Variants in CTNND2 observed in about 807,000 individuals in gnomAD.
CTNND2 encodes the protein catenin delta 2, also known as catenin delta-2.
In CTNND2, 22 loss-of-function variants were observed where a neutral mutation model predicts 144.4. The observed-to-expected ratio is 0.15, with a 90% CI of 0.11 to 0.22. CTNND2 has a LOEUF of 0.22. CTNND2 is among the 10% of genes least tolerant of loss of function. The probability of loss-of-function intolerance (pLI) is 1.00; values close to 1 mark genes in which losing one functional copy is unlikely to be tolerated. For synonymous variants in CTNND2, 751 were observed against 695.6 expected (o/e 1.08, Z -1.25); for missense variants, 1,353 against 1,618.8 (o/e 0.84, Z 2.82).
At chr5:11,740,884 T>C (rs1214135883) in intron 1 of CTNND2, among the ~76,000 whole-genome samples, 1 of 152,004 alleles carries the variant, frequency 6.6e-6, no homozygotes, top group African/African-American at 2.4e-5. Flanking sequence ...AGGACACTTC[T>C]TACAGGCACT....
chr5:11,514,421 T>A (rs1478411840), intron 3 of CTNND2, among the ~76,000 whole-genome samples: 1 of 152,048 alleles, frequency 6.6e-6, no homozygotes. Context: ...GCTGGCTGTA[T>A]TCATTTGATG....
chr5:11,098,239 T>C (rs1221214179), intron 15 of CTNND2, among the ~76,000 whole-genome samples: 4 of 152,170 alleles, frequency 2.6e-5, no homozygotes, highest in African/African-American at 9.7e-5. Flanking sequence ...CAGTTAATGA[T>C]AGTGCTTTGA....
At chr5:11,080,776 G>C (rs57688021) in intron 16 of CTNND2, among the ~76,000 whole-genome samples, 20,401 of 152,078 alleles carry the variant, frequency 0.13, 2,443 homozygotes, top group East Asian at 0.58. Flanking sequence ...TAAAACAAAT[G>C]AATTTATAGA....
intron 16 of CTNND2, among the ~76,000 whole-genome samples, chr5:11,042,385 T>C (rs1744767246): frequency 1.3e-5 from 2 of 152,250 alleles, no homozygotes; most frequent in Non-Finnish European, 2.9e-5. Context: ...CTTGTTCTTA[T>C]GTTATACACG....
intron 2 of CTNND2, among the ~76,000 whole-genome samples, chr5:11,620,601 A>G (rs1478172601): frequency 6.6e-6 from 1 of 152,100 alleles, no homozygotes; most frequent in African/African-American, 2.4e-5. Context: ...GGTGCCCCTC[A>G]TTTTGGGAAC....
chr5:11,891,455 G>A (rs781605256), intron 1 of CTNND2, among the ~76,000 whole-genome samples: 9 of 152,232 alleles, frequency 5.9e-5, no homozygotes, highest in South Asian at 2.1e-4. Flanking sequence ...GAATGTTTGC[G>A]TCTTCTCCTC....
chr5:11,509,299 TA>T (rs1225849254), intron 3 of CTNND2, among the ~76,000 whole-genome samples: 1 of 152,160 alleles, frequency 6.6e-6, no homozygotes, highest in Admixed American at 6.5e-5. Flanking sequence ...TTTAGACTTA[TA>T]AAAGGTGCCT....
Position 11,023,096 on chromosome 5 carries a change from T to C in CTNND2, c.2789-117A>G, listed in dbSNP as rs942566262. 5 of 823,104 alleles carry C rather than the reference T, an allele frequency of 6.1e-6. No homozygotes were observed. The Admixed American group carries it at 1.0e-4, about 17-fold the overall frequency. The allele number at this position is 823,104 out of a possible 1,614,324, so 51.0% of individuals were successfully genotyped here. A position where few individuals can be genotyped will look rare whatever the true frequency, so the allele number is the denominator to read the frequency against. On this transcript the variant is annotated intron_variant, in intron 16 of 21. Transcript: ENST00000304623. ...AGAGGCCACGTTTATGCAAAATTGT[T>C]TGTTTCCCATCACTGAATGTTCCCT... is the stretch of plus-strand genomic sequence containing the variant.
intron 11 of CTNND2, among the ~76,000 whole-genome samples, chr5:11,166,716 C>T (rs181887917): frequency 4.2e-4 from 64 of 152,164 alleles, no homozygotes; most frequent in African/African-American, 1.3e-3. Context: ...AGGCCCAGGA[C>T]GCCCTGAAGT....
At chr5:11,821,180 C>G (rs1793286444) in intron 1 of CTNND2, among the ~76,000 whole-genome samples, 1 of 152,106 alleles carries the variant, frequency 6.6e-6, no homozygotes, top group Admixed American at 6.6e-5. Context: ...ACTCATTTGT[C>G]AGAACTTTTT....
intron 5 of CTNND2, among the ~76,000 whole-genome samples, chr5:11,401,621 A>G (rs969103869): frequency 5.3e-5 from 8 of 152,216 alleles, no homozygotes; most frequent in African/African-American, 1.7e-4. Flanking sequence ...TACTTAAGAA[A>G]TTCCAAGGAT....
intron 9 of CTNND2, among the ~76,000 whole-genome samples, chr5:11,279,675 G>C (rs1377519130): frequency 6.6e-6 from 1 of 152,198 alleles, no homozygotes; most frequent in Non-Finnish European, 1.5e-5. Flanking sequence ...TATAAGAAAA[G>C]AGGTTTAACT....
At chr5:11,376,951 T>C (rs944609106) in intron 7 of CTNND2, among the ~76,000 whole-genome samples, 1 of 152,116 alleles carries the variant, frequency 6.6e-6, no homozygotes, top group African/African-American at 2.4e-5. Context: ...TCTCAAAAGA[T>C]AGCACTCCTA....
At chr5:11,770,369 GAA>G (rs1038637103) in intron 1 of CTNND2, among the ~76,000 whole-genome samples, 1 of 141,740 alleles carries the variant, frequency 7.1e-6, no homozygotes, top group African/African-American at 2.6e-5. Context: ...AAATACTACT[GAA>G]GATTCAGATT....
intron 1 of CTNND2, among the ~76,000 whole-genome samples, chr5:11,821,710 A>G (rs534757542): frequency 6.6e-6 from 1 of 152,298 alleles, no homozygotes; most frequent in African/African-American, 2.4e-5. Flanking sequence ...CTTCTGAGAG[A>G]AGTGTCAATG....
chr5:11,633,085 T>A (rs1412013440), intron 2 of CTNND2, among the ~76,000 whole-genome samples: 3 of 152,102 alleles, frequency 2.0e-5, no homozygotes, highest in Non-Finnish European at 4.4e-5. Flanking sequence ...AAATATCAAA[T>A]GAATAATAGT....
chr5:10,983,793 T>A (rs1737593043), intron 20 of CTNND2, among the ~76,000 whole-genome samples: 1 of 152,170 alleles, frequency 6.6e-6, no homozygotes, highest in South Asian at 2.1e-4. Context: ...TCTCTGCTTG[T>A]AATGCTCCAA....
At chr5:11,536,814 A>T (rs538666507) in intron 3 of CTNND2, among the ~76,000 whole-genome samples, 10 of 152,304 alleles carry the variant, frequency 6.6e-5, no homozygotes, top group African/African-American at 2.4e-4. Context: ...AATCTCAGAA[A>T]TCACCACTAA....
chr5:11,282,717 C>T (rs1747288639), intron 9 of CTNND2, among the ~76,000 whole-genome samples: 2 of 152,180 alleles, frequency 1.3e-5, no homozygotes, highest in Admixed American at 6.5e-5. Context: ...CATATGTAAA[C>T]TTAAATCTTG....
Sources: gnomAD v4.1 joint callset for allele counts (sites outside exome capture counted in the v4.1 genomes callset) on GRCh38, gnomAD v4.1.1 for gene constraint, MANE v1.5 for transcripts, NCBI Gene and HGNC (gene_info 2026-07-23, HGNC 2026-07-21) for gene names.